SGCZ: variants seen among roughly 807,000 people sequenced by gnomAD.
SGCZ encodes the protein zeta-sarcoglycan.
Under a neutral mutation model 41.3 loss-of-function variants are expected in SGCZ, and 40 were observed. That is an observed-to-expected ratio of 0.97 (90% CI 0.75 to 1.26). The LOEUF is 1.26. Ranked by LOEUF, SGCZ falls within the 50% of genes most tolerant of loss-of-function variation. The pLI is 0.00. For missense variants in SGCZ, 552 were observed against 369.8 expected, an observed-to-expected ratio of 1.49 and a Z score of -4.04; for synonymous variants, 206 against 137.5, an observed-to-expected ratio of 1.50 and a Z score of -3.49.
intron 1 of SGCZ, among the ~76,000 whole-genome samples, chr8:14,801,268 C>A (rs1292747670): frequency 6.6e-6 from 1 of 152,054 alleles, no homozygotes; most frequent in Non-Finnish European, 1.5e-5. Context: ...ATTACATCAG[C>A]AAATATATGC....
At chr8:15,121,046 A>G (rs1312927998) in intron 1 of SGCZ, among the ~76,000 whole-genome samples, 1 of 152,230 alleles carries the variant, frequency 6.6e-6, no homozygotes, top group Admixed American at 6.5e-5. Context: ...ATGCTTTGAA[A>G]TAACCACTTC....
At chr8:14,887,810 C>T (rs935886917) in intron 1 of SGCZ, among the ~76,000 whole-genome samples, 4 of 152,102 alleles carry the variant, frequency 2.6e-5, no homozygotes, top group African/African-American at 9.7e-5. Flanking sequence ...ATGTGCCTGG[C>T]TTATCTCATT....
chr8:14,376,289 C>A (rs1245370148), intron 2 of SGCZ, among the ~76,000 whole-genome samples: 1 of 151,292 alleles, frequency 6.6e-6, no homozygotes, highest in African/African-American at 2.4e-5. Flanking sequence ...CTAGCCTGGG[C>A]AACAGAGCGG....
At chr8:14,626,245 C>T (rs1252010866) in intron 1 of SGCZ, among the ~76,000 whole-genome samples, 1 of 151,918 alleles carries the variant, frequency 6.6e-6, no homozygotes, top group East Asian at 1.9e-4. Context: ...CAGCAGCTAC[C>T]AACCCACCAC....
At chr8:14,252,390 G>A (rs184719885) in intron 3 of SGCZ, among the ~76,000 whole-genome samples, 1 of 151,822 alleles carries the variant, frequency 6.6e-6, no homozygotes, top group Non-Finnish European at 1.5e-5. Context: ...CTGAAGCATT[G>A]ATACATATAT....
chr8:15,191,272 T>C (rs949908612), intron 1 of SGCZ, among the ~76,000 whole-genome samples: 13 of 152,102 alleles, frequency 8.5e-5, no homozygotes, highest in Admixed American at 8.5e-4. Flanking sequence ...TTTCGCATGA[T>C]CTAGTCTGTA....
chr8:14,979,722 C>T (rs1009517664), intron 1 of SGCZ, among the ~76,000 whole-genome samples: 3 of 152,126 alleles, frequency 2.0e-5, no homozygotes, highest in Non-Finnish European at 2.9e-5. Context: ...TAAAAAAGTT[C>T]TTCATTTCTT....
chr8:14,833,562 A>G (rs1418854674), intron 1 of SGCZ, among the ~76,000 whole-genome samples: 2 of 152,234 alleles, frequency 1.3e-5, no homozygotes, highest in Admixed American at 1.3e-4. Context: ...ACATGGTTTG[A>G]TTTGAAAGGG....
At chr8:15,161,522 G>A (rs1028655277) in intron 1 of SGCZ, among the ~76,000 whole-genome samples, 1 of 152,078 alleles carries the variant, frequency 6.6e-6, no homozygotes, top group Non-Finnish European at 1.5e-5. Flanking sequence ...CTCAGCAGTG[G>A]GCAGTGCCTG....
chr8:14,198,370 G>A (rs1585223054), intron 4 of SGCZ, among the ~76,000 whole-genome samples: 1 of 152,136 alleles, frequency 6.6e-6, no homozygotes. Flanking sequence ...TGGCAGTTTG[G>A]TTCTGCCAAA....
chr8:14,816,086 A>T (rs1311742069), intron 1 of SGCZ, among the ~76,000 whole-genome samples: 1 of 152,238 alleles, frequency 6.6e-6, no homozygotes, highest in Non-Finnish European at 1.5e-5. Context: ...TATTTCAACC[A>T]TTTCAACATG....
chr8:14,458,070 T>C (rs553634413), intron 2 of SGCZ, among the ~76,000 whole-genome samples: 3 of 152,154 alleles, frequency 2.0e-5, no homozygotes, highest in Non-Finnish European at 4.4e-5. Context: ...CTACCCAGTC[T>C]CAGGCATTTC....
At chr8:15,036,141 AAGG>A (rs555986189) in intron 1 of SGCZ, among the ~76,000 whole-genome samples, 1 of 152,124 alleles carries the variant, frequency 6.6e-6, no homozygotes, top group African/African-American at 2.4e-5. Context: ...AGAAATGAAA[AAGG>A]AGATGTTACA....
intron 2 of SGCZ, among the ~76,000 whole-genome samples, chr8:14,392,946 T>G (rs79699388): frequency 0.045 from 6,835 of 152,180 alleles, 494 homozygotes; most frequent in African/African-American, 0.15. Context: ...TTAGCTTACT[T>G]TTTATTACAC....
intron 3 of SGCZ, among the ~76,000 whole-genome samples, chr8:14,303,726 A>C (rs576332192): frequency 1.5e-3 from 223 of 152,106 alleles, no homozygotes; most frequent in African/African-American, 4.5e-3. Context: ...CTCTCTCTAT[A>C]TATATATAGA....
At chr8:14,468,457 A>G (rs1479821809) in intron 2 of SGCZ, among the ~76,000 whole-genome samples, 1 of 152,060 alleles carries the variant, frequency 6.6e-6, no homozygotes, top group East Asian at 1.9e-4. Context: ...TTTTTATTCA[A>G]TGCCTCTTTT....
intron 2 of SGCZ, among the ~76,000 whole-genome samples, chr8:14,481,635 G>T (rs1801536937): frequency 6.6e-6 from 1 of 152,046 alleles, no homozygotes; most frequent in Non-Finnish European, 1.5e-5. Context: ...CTTGCCTCTG[G>T]TAGTTAAAGT....
At chr8:14,595,954 T>C (rs1805398717) in intron 1 of SGCZ, among the ~76,000 whole-genome samples, 1 of 152,120 alleles carries the variant, frequency 6.6e-6, no homozygotes, top group African/African-American at 2.4e-5. Context: ...CTATTTAAAA[T>C]GGATGGAAAA....
chr8:14,675,126 G>C (rs1585173410), intron 1 of SGCZ, among the ~76,000 whole-genome samples: 1 of 150,966 alleles, frequency 6.6e-6, no homozygotes, highest in Non-Finnish European at 1.5e-5. Context: ...ATTTTTAGTA[G>C]AGACAGGCTT....
Sources: allele counts gnomAD v4.1 joint callset (sites outside exome capture counted in the v4.1 genomes callset), GRCh38; gene constraint gnomAD v4.1.1; transcripts MANE v1.5; gene names NCBI Gene and HGNC (gene_info 2026-07-23, HGNC 2026-07-21).